Variants in RSRC1 observed in about 807,000 individuals in gnomAD.
The protein encoded by RSRC1 is serine/Arginine-related protein 53.
Under a neutral mutation model 49.1 loss-of-function variants are expected in RSRC1, and 39 were observed. The ratio of observed to expected loss-of-function variants is 0.79; its 90% CI spans 0.61 to 1.04. The LOEUF is 1.04. Among genes scored for constraint, RSRC1 ranks in the 50% least tolerant of loss-of-function variants. RSRC1 has a pLI of 0.00. For synonymous variants in RSRC1, 143 were observed against 130.8 expected (o/e 1.09, Z -0.63); for missense variants, 388 against 402.4 (o/e 0.96, Z 0.31).
intron 6 of RSRC1, among the ~76,000 whole-genome samples, chr3:158,412,873 C>T (rs1351857638): frequency 2.0e-5 from 3 of 152,092 alleles, no homozygotes; most frequent in African/African-American, 7.2e-5. Flanking sequence ...ATATCATGCT[C>T]ACAGATAGGA....
intron 3 of RSRC1, among the ~76,000 whole-genome samples, chr3:158,169,136 A>G (rs1420001197): frequency 6.6e-6 from 1 of 152,172 alleles, no homozygotes; most frequent in Non-Finnish European, 1.5e-5. Context: ...TCACAAAACA[A>G]CCAACTAGTA....
At chr3:158,297,355 C>G (rs1470014067) in intron 4 of RSRC1, among the ~76,000 whole-genome samples, 2 of 151,948 alleles carry the variant, frequency 1.3e-5, no homozygotes, top group African/African-American at 4.8e-5. Context: ...CATAAGCAGT[C>G]TCTTCTACAG....
chr3:158,198,332 C>T lies in RSRC1; in HGVS notation c.321-4740C>T, dbSNP rs192256791. On this transcript the variant is annotated intron_variant, in intron 3 of 9. Transcript: ENST00000611884. ...TTGCAACCCCTGCCTTTTTTTGTTT[C>T]CCATTTGCTTGGTAGATCTTCCTCC... 2.2e-4 allele frequency among the ~76,000 whole-genome samples: 33 copies of T among 151,666 alleles called. No individual in the cohort carries two copies. The East Asian group carries it at 5.6e-3, about 26-fold the overall frequency.
intron 5 of RSRC1, among the ~76,000 whole-genome samples, chr3:158,310,875 A>C (rs1167820613): frequency 6.6e-6 from 1 of 151,780 alleles, no homozygotes; most frequent in African/African-American, 2.4e-5. Flanking sequence ...CTGTAACATC[A>C]CTTTTAATGC....
At chr3:158,160,894 T>G (rs1718175311) in intron 3 of RSRC1, among the ~76,000 whole-genome samples, 1 of 150,750 alleles carries the variant, frequency 6.6e-6, no homozygotes, top group South Asian at 2.1e-4. Flanking sequence ...TTACCTTCAT[T>G]TAACAGATGA....
intron 3 of RSRC1, among the ~76,000 whole-genome samples, chr3:158,153,149 A>T (rs1717652593): frequency 6.6e-6 from 1 of 152,144 alleles, no homozygotes; most frequent in South Asian, 2.1e-4. Context: ...GTATTGACTG[A>T]GCAAATTCTC....
chr3:158,365,658 T>C (rs559021065), intron 6 of RSRC1, among the ~76,000 whole-genome samples: 1 of 152,310 alleles, frequency 6.6e-6, no homozygotes, highest in East Asian at 1.9e-4. Context: ...TTTGTGTATA[T>C]ACCCAGTAAT....
intron 6 of RSRC1, among the ~76,000 whole-genome samples, chr3:158,362,125 G>A (rs1731508765): frequency 6.6e-6 from 1 of 152,158 alleles, no homozygotes; most frequent in African/African-American, 2.4e-5. Flanking sequence ...GATCATTTGA[G>A]CCCAGGAGTT....
chr3:158,292,537 A>G (rs1726997127), intron 4 of RSRC1, among the ~76,000 whole-genome samples: 1 of 152,070 alleles, frequency 6.6e-6, no homozygotes, highest in South Asian at 2.1e-4. Context: ...GAGACCTATA[A>G]TTGAATTAAG....
At chr3:158,256,271 G>A (rs1421492413) in intron 4 of RSRC1, among the ~76,000 whole-genome samples, 1 of 152,092 alleles carries the variant, frequency 6.6e-6, no homozygotes, top group African/African-American at 2.4e-5. Context: ...TTAGCATGAA[G>A]GGCTGTTGAA....
At chr3:158,297,979 A>G in intron 4 of RSRC1, 60 bp from the exon 5 acceptor site, 1 of 1,236,592 alleles carries the variant, frequency 8.1e-7, no homozygotes. Context: ...TTTTGAGGTA[A>G]ACAAATTAGA....
intron 6 of RSRC1, among the ~76,000 whole-genome samples, chr3:158,430,953 C>T (rs181013894): frequency 1.3e-5 from 2 of 152,022 alleles, no homozygotes; most frequent in East Asian, 1.9e-4. Context: ...GTTTGAGAGT[C>T]ACCATATTTT....
chr3:158,425,667 A>G (rs938943140), intron 6 of RSRC1, among the ~76,000 whole-genome samples: 1 of 151,860 alleles, frequency 6.6e-6, no homozygotes, highest in Non-Finnish European at 1.5e-5. Context: ...TGATCTGTCT[A>G]ATGTTGACAG....
At chr3:158,185,164 A>C (rs1215684801) in intron 3 of RSRC1, among the ~76,000 whole-genome samples, 1 of 152,036 alleles carries the variant, frequency 6.6e-6, no homozygotes, top group African/African-American at 2.4e-5. Context: ...AATGTTTAAT[A>C]ATTTAAATTT....
At chr3:158,364,770 T>G (rs1377674573) in intron 6 of RSRC1, among the ~76,000 whole-genome samples, 1 of 151,018 alleles carries the variant, frequency 6.6e-6, no homozygotes, top group Non-Finnish European at 1.5e-5. Context: ...CATAGGAAAA[T>G]TGTTAAAACC....
chr3:158,268,718 G>A (rs1223847616), intron 4 of RSRC1, among the ~76,000 whole-genome samples: 2 of 152,128 alleles, frequency 1.3e-5, no homozygotes, highest in Non-Finnish European at 2.9e-5. Context: ...TCTGTCAGCA[G>A]TTTTGTTCTG....
chr3:158,390,932 T>C (rs1302150893), intron 6 of RSRC1, among the ~76,000 whole-genome samples: 1 of 152,158 alleles, frequency 6.6e-6, no homozygotes, highest in Admixed American at 6.5e-5. Context: ...CAATATTAAA[T>C]ATATTACAAT....
chr3:158,315,019 G>A (rs984334286), intron 5 of RSRC1, among the ~76,000 whole-genome samples: 2 of 130,142 alleles, frequency 1.5e-5, no homozygotes, highest in African/African-American at 5.9e-5. Context: ...GCAACAGAGT[G>A]AGACTTTGTC....
intron 3 of RSRC1, among the ~76,000 whole-genome samples, chr3:158,126,062 C>G (rs1715604893): frequency 6.6e-6 from 1 of 151,946 alleles, no homozygotes. Flanking sequence ...TCTTTTTCAT[C>G]TTTTTCAGTA....
Sources: gnomAD v4.1 joint callset for allele counts (sites outside exome capture counted in the v4.1 genomes callset) on GRCh38, gnomAD v4.1.1 for gene constraint, MANE v1.5 for transcripts, NCBI Gene and HGNC (gene_info 2026-07-23, HGNC 2026-07-21) for gene names.